PPP2R2A: variants seen among roughly 807,000 people sequenced by gnomAD.
PPP2R2A encodes the protein serine/threonine-protein phosphatase 2A 55 kDa regulatory subunit B alpha isoform.
In PPP2R2A, 9 loss-of-function variants were observed where a neutral mutation model predicts 53.2. That is an observed-to-expected ratio of 0.17 (90% CI 0.10 to 0.30). PPP2R2A has a LOEUF of 0.30. PPP2R2A is among the 10% of genes least tolerant of loss of function. The pLI, the probability that PPP2R2A is intolerant of heterozygous loss-of-function variation, is 1.00. For synonymous variants in PPP2R2A, 169 were observed against 174.2 expected (o/e 0.97, Z 0.23); for missense variants, 235 against 534.6 (o/e 0.44, Z 5.53).
intron 2 of PPP2R2A, among the ~76,000 whole-genome samples, chr8:26,329,981 A>G (rs1803285079): frequency 6.6e-6 from 1 of 152,204 alleles, no homozygotes; most frequent in Non-Finnish European, 1.5e-5. Context: ...ATACAGTGTC[A>G]TCATACCTTG....
At chr8:26,297,556 CAGT>C (rs745977824) in intron 2 of PPP2R2A, among the ~76,000 whole-genome samples, 3 of 152,148 alleles carry the variant, frequency 2.0e-5, no homozygotes, top group Non-Finnish European at 4.4e-5. Context: ...TGTCATGAGA[CAGT>C]AGGTTAAGAG....
chr8:26,368,219 G>C (rs932510993), intron 9 of PPP2R2A, among the ~76,000 whole-genome samples: 1 of 152,188 alleles, frequency 6.6e-6, no homozygotes, highest in African/African-American at 2.4e-5. Flanking sequence ...CCTTGAGTTT[G>C]ATTAAAGTTG....
At chr8:26,333,569 A>G in intron 2 of PPP2R2A, 2 of 1,146,130 alleles carry the variant, frequency 1.7e-6, no homozygotes, top group South Asian at 3.4e-5. Context: ...ACAAGAGCTG[A>G]GGTATTTAGA....
chr8:26,313,173 A>G (rs566633786), intron 2 of PPP2R2A, among the ~76,000 whole-genome samples: 37 of 151,774 alleles, frequency 2.4e-4, no homozygotes, highest in Non-Finnish European at 4.1e-4. Context: ...AGCTAGGACT[A>G]CAGATGCGCG....
intron 2 of PPP2R2A, among the ~76,000 whole-genome samples, chr8:26,316,823 T>C (rs989242367): frequency 9.9e-5 from 15 of 152,236 alleles, no homozygotes; most frequent in African/African-American, 3.6e-4. Context: ...TCCACCCTTA[T>C]TACCGGATCA....
chr8:26,318,199 C>T (rs1377103957), intron 2 of PPP2R2A, among the ~76,000 whole-genome samples: 3 of 152,136 alleles, frequency 2.0e-5, no homozygotes, highest in African/African-American at 4.8e-5. Flanking sequence ...TTACTCAGGA[C>T]TTTGTTCATT....
At chr8:26,293,488 T>C (rs1442323112) in intron 1 of PPP2R2A, 178 bp from the exon 2 acceptor site, 6 of 702,844 alleles carry the variant, frequency 8.5e-6, no homozygotes. Flanking sequence ...TTTTTCTTTC[T>C]AATGCAGTAC....
chr8:26,332,042 C>T (rs1803406071), intron 2 of PPP2R2A, among the ~76,000 whole-genome samples: 1 of 152,084 alleles, frequency 6.6e-6, no homozygotes, highest in Admixed American at 6.5e-5. Flanking sequence ...TTTCAGGAAT[C>T]TATAAATCAG....
Position 26,291,547 on chromosome 8 carries a change from C to G in PPP2R2A, c.-273C>G. On this transcript the variant is annotated 5_prime_UTR_variant, in exon 1 of 10. Coordinates refer to ENST00000380737, the MANE Select transcript of PPP2R2A (RefSeq NM_002717.4). ...CATTTTGAAAGTGGAGTCGCCTGCCCCTGCCGCTGCCGCCGCCGCCGTCGC... is the reference window on the plus strand; with the variant it reads ...CATTTTGAAAGTGGAGTCGCCTGCCGCTGCCGCTGCCGCCGCCGCCGTCGC... The G allele has an allele frequency of 1.9e-6, 1 of 530,908 alleles. No individual in the cohort carries two copies. Among genetic ancestry groups the G allele is most frequent in the South Asian group, 2.2e-5 (1 of 46,094 alleles). The allele number at this position is 530,908 out of a possible 1,614,324, so 32.9% of individuals were successfully genotyped here. A position where few individuals can be genotyped will look rare whatever the true frequency, so the allele number is the denominator to read the frequency against.
At chr8:26,292,966 C>G in intron 1 of PPP2R2A, 1 of 384,766 alleles carries the variant, frequency 2.6e-6, no homozygotes, top group Non-Finnish European at 4.6e-6. Context: ...GCTTGTTGGC[C>G]TTGTTGAAAA....
intron 3 of PPP2R2A, among the ~76,000 whole-genome samples, chr8:26,339,469 ACAG>A (rs1803832608): frequency 6.6e-6 from 1 of 152,212 alleles, no homozygotes; most frequent in Non-Finnish European, 1.5e-5. Context: ...GGTTTAAATG[ACAG>A]TTGCATGTAC....
At chr8:26,308,582 C>G (rs1341334632) in intron 2 of PPP2R2A, among the ~76,000 whole-genome samples, 1 of 152,210 alleles carries the variant, frequency 6.6e-6, no homozygotes, top group East Asian at 1.9e-4. Flanking sequence ...ACCAATACAT[C>G]TTTAGGCTCC....
intron 2 of PPP2R2A, among the ~76,000 whole-genome samples, chr8:26,299,230 C>T (rs766597446): frequency 6.6e-6 from 1 of 151,410 alleles, no homozygotes; most frequent in African/African-American, 2.4e-5. Context: ...CCACTGGTCT[C>T]CAGCCTGGAC....
chr8:26,335,063 C>T lies in PPP2R2A; in HGVS notation c.83-3827C>T, dbSNP rs866964001. On this transcript the variant is annotated intron_variant, in intron 2 of 9. Coordinates refer to ENST00000380737, the MANE Select transcript of PPP2R2A (RefSeq NM_002717.4). ...GAGGATGCTTACAACTAGGGCTTACCGATCTGAGTGCTCTGCAGCACCAGG... is the reference window on the plus strand; with the variant it reads ...GAGGATGCTTACAACTAGGGCTTACTGATCTGAGTGCTCTGCAGCACCAGG... 5.3e-5 allele frequency among the ~76,000 whole-genome samples: 8 copies of T among 152,226 alleles called. No homozygotes were observed. In the South Asian group the frequency reaches 1.0e-3, roughly 20 times the overall value.
intron 3 of PPP2R2A, among the ~76,000 whole-genome samples, chr8:26,339,565 GT>G (rs1401888517): frequency 6.6e-6 from 1 of 152,024 alleles, no homozygotes; most frequent in East Asian, 1.9e-4. Flanking sequence ...GTGGGCTTTT[GT>G]TTTGTTTTTC....
At chr8:26,355,061 T>C (rs1188411858) in intron 4 of PPP2R2A, among the ~76,000 whole-genome samples, 1 of 152,214 alleles carries the variant, frequency 6.6e-6, no homozygotes, top group African/African-American at 2.4e-5. Context: ...TAAATGTTAA[T>C]TTATTCCTCC....
At chr8:26,319,726 A>G (rs957968836) in intron 2 of PPP2R2A, among the ~76,000 whole-genome samples, 7 of 151,524 alleles carry the variant, frequency 4.6e-5, no homozygotes, top group Admixed American at 3.9e-4. Flanking sequence ...ATTAGGGTGG[A>G]TTTTTTTTTA....
chr8:26,369,133 A>G (rs1431988353), intron 9 of PPP2R2A, among the ~76,000 whole-genome samples: 1 of 151,850 alleles, frequency 6.6e-6, no homozygotes, highest in Non-Finnish European at 1.5e-5. Flanking sequence ...ATACACACAC[A>G]CACACACACA....
intron 2 of PPP2R2A, among the ~76,000 whole-genome samples, chr8:26,301,584 CTA>C (rs1801791863): frequency 6.6e-6 from 1 of 152,080 alleles, no homozygotes; most frequent in South Asian, 2.1e-4. Context: ...CTGAGATGTG[CTA>C]TATATAGATG....
Sources: gnomAD v4.1 joint callset for allele counts (sites outside exome capture counted in the v4.1 genomes callset) on GRCh38, gnomAD v4.1.1 for gene constraint, MANE v1.5 for transcripts, NCBI Gene and HGNC (gene_info 2026-07-23, HGNC 2026-07-21) for gene names.